The following TMEM132D variants were observed in gnomAD, a reference collection of about 807,000 sequenced individuals.
The protein encoded by TMEM132D is mature OL transmembrane protein.
A neutral mutation model predicts 62.3 loss-of-function variants in TMEM132D; 21 were observed. The ratio of observed to expected loss-of-function variants is 0.34; its 90% confidence interval spans 0.24 to 0.49. The LOEUF (loss-of-function observed/expected upper bound fraction) is 0.49, where lower values mean the gene tolerates loss of function less well. Among genes scored for constraint, TMEM132D ranks in the 20% least tolerant of loss-of-function variants. TMEM132D has a pLI of 0.99. For synonymous variants in TMEM132D, 621 were observed against 575.6 expected, an observed-to-expected ratio of 1.08 and a Z score of -1.13; for missense variants, 1,346 against 1,402.8, an observed-to-expected ratio of 0.96 and a Z score of 0.65.
chr12:129,657,514 C>T (rs763894699), intron 2 of TMEM132D, among the ~76,000 whole-genome samples: 3 of 152,168 alleles, frequency 2.0e-5, no homozygotes, highest in African/African-American at 7.2e-5. Flanking sequence ...TCTAAGCAGC[C>T]CCTTAACCGT....
chr12:129,177,763 T>C (rs770037488), intron 5 of TMEM132D, among the ~76,000 whole-genome samples: 6 of 152,196 alleles, frequency 3.9e-5, no homozygotes, highest in Non-Finnish European at 8.8e-5. Flanking sequence ...TCCCTGACTC[T>C]TAATTTTTTT....
chr12:129,225,082 T>A (rs996543172), intron 4 of TMEM132D, among the ~76,000 whole-genome samples: 9 of 152,202 alleles, frequency 5.9e-5, no homozygotes, highest in African/African-American at 2.2e-4. Context: ...CTACTAGCTC[T>A]GTGACTTTCG....
rs183433591 is a variant in TMEM132D at position 129,084,386 on chromosome 12, G to A, written c.1649+111C>T. 146 of 1,079,596 alleles carry A rather than the reference G, an allele frequency of 1.4e-4. No individual in the cohort carries two copies. In the Middle Eastern group the frequency reaches 1.9e-3, roughly 14 times the overall value. 66.9% of individuals were successfully genotyped at this position (1,079,596 alleles called of 1,614,324 possible). ...GCAAATCCAAGCTGAGCGGTGGAGG[G>A]AGGCTTGGTCCTTAGGGTACCACAT... On this transcript the variant is annotated intron_variant, in intron 6 of 8. Coordinates refer to ENST00000422113, the MANE Select transcript of TMEM132D (RefSeq NM_133448.3).
intron 2 of TMEM132D, among the ~76,000 whole-genome samples, chr12:129,548,979 G>A (rs749559640): frequency 2.6e-5 from 4 of 152,216 alleles, no homozygotes; most frequent in South Asian, 2.1e-4. Context: ...CACATCACTC[G>A]TTGGGTGAGG....
intron 4 of TMEM132D, among the ~76,000 whole-genome samples, chr12:129,291,332 T>C (rs1193899594): frequency 1.3e-5 from 2 of 152,226 alleles, no homozygotes; most frequent in East Asian, 1.9e-4. Flanking sequence ...TTAAAAGTAA[T>C]TATGGTGCAA....
chr12:129,848,730 A>T (rs1480450321), intron 1 of TMEM132D, among the ~76,000 whole-genome samples: 1 of 152,142 alleles, frequency 6.6e-6, no homozygotes, highest in African/African-American at 2.4e-5. Flanking sequence ...ATTCTGAGGG[A>T]TCATTTTAAT....
At chr12:129,826,889 G>C (rs938042594) in intron 1 of TMEM132D, among the ~76,000 whole-genome samples, 4 of 152,304 alleles carry the variant, frequency 2.6e-5, no homozygotes, top group Admixed American at 2.6e-4. Context: ...TCAAAACTCT[G>C]CTTTGACCTA....
chr12:129,577,467 C>T (rs778271118), intron 2 of TMEM132D, among the ~76,000 whole-genome samples: 100 of 149,952 alleles, frequency 6.7e-4, no homozygotes, highest in Non-Finnish European at 1.1e-3. Flanking sequence ...ATATTCAACA[C>T]TGCATCTTTA....
At chr12:129,711,671 G>A (rs1196249515) in intron 1 of TMEM132D, among the ~76,000 whole-genome samples, 3 of 148,506 alleles carry the variant, frequency 2.0e-5, no homozygotes, top group African/African-American at 7.5e-5. Flanking sequence ...AGGTTGGAGT[G>A]AGCCGAGATC....
At chr12:129,755,089 A>G (rs1392427970) in intron 1 of TMEM132D, among the ~76,000 whole-genome samples, 2 of 152,232 alleles carry the variant, frequency 1.3e-5, no homozygotes, top group African/African-American at 4.8e-5. Flanking sequence ...GGAGAAAGGC[A>G]CCTGTGTTTG....
intron 3 of TMEM132D, among the ~76,000 whole-genome samples, chr12:129,386,828 ACACTAT>A (rs1171894725): frequency 6.6e-6 from 1 of 152,030 alleles, no homozygotes; most frequent in Non-Finnish European, 1.5e-5. Flanking sequence ...GCCGATGCCA[ACACTAT>A]CACTAACACC....
chr12:129,238,845 G>C (rs1879856253), intron 4 of TMEM132D, among the ~76,000 whole-genome samples: 1 of 152,206 alleles, frequency 6.6e-6, no homozygotes, highest in Non-Finnish European at 1.5e-5. Flanking sequence ...TGTATACACA[G>C]ATGTGGAACT....
At chr12:129,601,130 TTC>T (rs1203795181) in intron 2 of TMEM132D, among the ~76,000 whole-genome samples, 1 of 152,210 alleles carries the variant, frequency 6.6e-6, no homozygotes, top group Admixed American at 6.5e-5. Flanking sequence ...TTGCTGCAGC[TTC>T]TCTGTCAGCA....
chr12:129,653,864 A>G (rs984845663), intron 2 of TMEM132D, among the ~76,000 whole-genome samples: 1 of 152,226 alleles, frequency 6.6e-6, no homozygotes, highest in Non-Finnish European at 1.5e-5. Flanking sequence ...ACTACAGTCC[A>G]TACATTATTC....
intron 1 of TMEM132D, among the ~76,000 whole-genome samples, chr12:129,805,228 C>T (rs1262267141): frequency 6.6e-6 from 1 of 151,974 alleles, no homozygotes; most frequent in Non-Finnish European, 1.5e-5. Context: ...GAGCCCGCAT[C>T]ACCAAGTCAA....
intron 5 of TMEM132D, among the ~76,000 whole-genome samples, chr12:129,138,032 T>C (rs1876636641): frequency 6.6e-6 from 1 of 152,194 alleles, no homozygotes; most frequent in African/African-American, 2.4e-5. Context: ...TTTTCTTTTC[T>C]AAAATTTTAG....
intron 3 of TMEM132D, among the ~76,000 whole-genome samples, chr12:129,423,753 T>C (rs913428824): frequency 3.3e-5 from 5 of 152,156 alleles, no homozygotes; most frequent in African/African-American, 1.2e-4. Context: ...TTTATGGTAA[T>C]ACCCATTGAC....
chr12:129,209,378 G>C, intron 5 of TMEM132D, 142 bp downstream of exon 5: 1 of 1,018,376 alleles, frequency 9.8e-7, no homozygotes. Flanking sequence ...CCTGATTTAA[G>C]TGGCAGGATA....
rs908702596 is a variant in TMEM132D at position 129,824,323 on chromosome 12, T to C, written c.79+78938A>G. Among the ~76,000 whole-genome samples, 9 of 152,306 alleles carry C rather than the reference T, an allele frequency of 5.9e-5. No homozygotes were observed. The South Asian group carries it at 8.3e-4, about 14-fold the overall frequency. ...AACTCCATAATTTTTCAGGTACTTT[T>C]TGAGTTTTGAAAAATGTTTATTATG... On this transcript the variant is annotated intron_variant, in intron 1 of 8. Coordinates refer to ENST00000422113, the MANE Select transcript of TMEM132D (RefSeq NM_133448.3).
Sources: gnomAD v4.1 joint callset for allele counts (sites outside exome capture counted in the v4.1 genomes callset) on GRCh38, gnomAD v4.1.1 for gene constraint, MANE v1.5 for transcripts, NCBI Gene and HGNC (gene_info 2026-07-23, HGNC 2026-07-21) for gene names.